MAGI2: variants seen among roughly 807,000 people sequenced by gnomAD.
MAGI2 encodes membrane-associated guanylate kinase, WW and PDZ domain-containing protein 2.
A neutral mutation model predicts 133.3 loss-of-function variants in MAGI2; 35 were observed. That is an observed-to-expected ratio of 0.26 (90% CI 0.20 to 0.35). The LOEUF (loss-of-function observed/expected upper bound fraction) is 0.35. Among genes scored for constraint, MAGI2 ranks in the 10% least tolerant of loss-of-function variants. MAGI2 has a pLI of 1.00. For missense variants in MAGI2, 1,636 were observed against 1,863.4 expected, an observed-to-expected ratio of 0.88 and a Z score of 2.25; for synonymous variants, 729 against 710.6, an observed-to-expected ratio of 1.03 and a Z score of -0.41.
At chr7:78,275,176 C>T (rs555264123) in intron 9 of MAGI2, among the ~76,000 whole-genome samples, 51 of 152,298 alleles carry the variant, frequency 3.3e-4, no homozygotes, top group African/African-American at 1.2e-3. Context: ...TACAGTCTCT[C>T]ATGGCTTCCC....
intron 1 of MAGI2, chr7:79,412,966 A>T (rs1158548340): frequency 6.6e-6 from 1 of 152,190 alleles, no homozygotes; most frequent in East Asian, 1.9e-4. Context: ...AAATCTTCTA[A>T]TGAATTAATG....
chr7:78,718,446 C>T (rs1168279617), intron 2 of MAGI2, among the ~76,000 whole-genome samples: 1 of 151,880 alleles, frequency 6.6e-6, no homozygotes, highest in Non-Finnish European at 1.5e-5. Context: ...TAGCTACTCC[C>T]CATTCCTTGG....
At chr7:78,096,860 A>G (rs1389948134) in intron 20 of MAGI2, among the ~76,000 whole-genome samples, 1 of 152,218 alleles carries the variant, frequency 6.6e-6, no homozygotes, top group African/African-American at 2.4e-5. Context: ...GCACAGAGAA[A>G]GAAACTATCA....
intron 2 of MAGI2, among the ~76,000 whole-genome samples, chr7:78,998,634 C>G (rs533498507): frequency 3.3e-5 from 5 of 152,268 alleles, no homozygotes; most frequent in African/African-American, 9.6e-5. Flanking sequence ...GTGATCTGGA[C>G]ATTAGAATAG....
chr7:78,451,483 G>C (rs746904154), intron 6 of MAGI2, among the ~76,000 whole-genome samples: 2 of 152,058 alleles, frequency 1.3e-5, no homozygotes, highest in South Asian at 2.1e-4. Flanking sequence ...AGAGCTTCCC[G>C]TGAGAATGAC....
At chr7:78,497,722 T>TTCTATCTATCTATCTATCTA (rs71517019) in intron 5 of MAGI2, among the ~76,000 whole-genome samples, 13 of 97,242 alleles carry the variant, frequency 1.3e-4, no homozygotes, top group East Asian at 1.1e-3. Flanking sequence ...GAAATAACTA[T>TTCTATCTATCTATCTATCTA]TCTATCTATC....
chr7:79,291,363 C>T (rs1263472987), intron 1 of MAGI2, among the ~76,000 whole-genome samples: 2 of 152,044 alleles, frequency 1.3e-5, no homozygotes, highest in South Asian at 2.1e-4. Flanking sequence ...ATGAATCATG[C>T]TTTCATAAAC....
intron 7 of MAGI2, chr7:78,359,386 T>C (rs1792530067): frequency 6.6e-6 from 1 of 152,174 alleles, no homozygotes; most frequent in African/African-American, 2.4e-5. Context: ...GACCAAGAGG[T>C]GGCAGGGGTC....
chr7:78,959,321 T>C (rs1802658293), intron 2 of MAGI2, among the ~76,000 whole-genome samples: 1 of 152,132 alleles, frequency 6.6e-6, no homozygotes, highest in Non-Finnish European at 1.5e-5. Context: ...CTTCAGGAGT[T>C]AAGCATTGTA....
At chr7:78,609,986 C>T (rs1806262722) in intron 3 of MAGI2, among the ~76,000 whole-genome samples, 1 of 152,006 alleles carries the variant, frequency 6.6e-6, no homozygotes, top group Non-Finnish European at 1.5e-5. Context: ...GGAACTAAGA[C>T]CTCTAGGTCA....
intron 2 of MAGI2, among the ~76,000 whole-genome samples, chr7:78,692,078 A>T (rs956352063): frequency 6.6e-6 from 1 of 152,166 alleles, no homozygotes; most frequent in Admixed American, 6.5e-5. Context: ...TAAGGTCTTT[A>T]AAAAAATCAG....
At chr7:79,423,560 G>C (rs931322156) in intron 1 of MAGI2, among the ~76,000 whole-genome samples, 1 of 151,936 alleles carries the variant, frequency 6.6e-6, no homozygotes, top group African/African-American at 2.4e-5. Context: ...GTGAGGAGAC[G>C]AGTCTTTCAA....
intron 6 of MAGI2, among the ~76,000 whole-genome samples, chr7:78,375,681 T>C (rs1794381183): frequency 6.6e-6 from 1 of 152,134 alleles, no homozygotes; most frequent in Non-Finnish European, 1.5e-5. Context: ...GGTTAAGTAA[T>C]GTAGTGTATA....
chr7:78,332,696 T>TA (rs1789349381), intron 9 of MAGI2, among the ~76,000 whole-genome samples: 1 of 35,122 alleles, frequency 2.8e-5, no homozygotes, highest in Non-Finnish European at 4.8e-5. Context: ...AGACTCCGTC[T>TA]CAAAAAAAAA....
chr7:78,697,456 C>T (rs953474984), intron 2 of MAGI2, among the ~76,000 whole-genome samples: 2 of 152,162 alleles, frequency 1.3e-5, no homozygotes, highest in African/African-American at 2.4e-5. Context: ...TATTTTTCCT[C>T]TTAACCAAAT....
At chr7:78,641,659 G>C (rs1273282707) in intron 2 of MAGI2, among the ~76,000 whole-genome samples, 2 of 139,556 alleles carry the variant, frequency 1.4e-5, no homozygotes, top group Middle Eastern at 3.8e-3. Context: ...TTCTGTTGGT[G>C]TGGCCAGCAT....
At chr7:79,201,029 G>A (rs751152798) in intron 1 of MAGI2, among the ~76,000 whole-genome samples, 4 of 151,852 alleles carry the variant, frequency 2.6e-5, no homozygotes, top group African/African-American at 9.7e-5. Flanking sequence ...CAGGGCTTTC[G>A]GTCTACAAGA....
At chr7:78,145,326 C>T (rs1189594986) in intron 16 of MAGI2, among the ~76,000 whole-genome samples, 8 of 151,824 alleles carry the variant, frequency 5.3e-5, no homozygotes, top group Admixed American at 1.3e-4. Flanking sequence ...AAGATTTTTC[C>T]CTGTACTTTT....
At chr7:78,882,353 C>G (rs990361302) in intron 2 of MAGI2, among the ~76,000 whole-genome samples, 1 of 151,884 alleles carries the variant, frequency 6.6e-6, no homozygotes, top group African/African-American at 2.4e-5. Context: ...ACATTGAATT[C>G]TGTTATTGAA....
Sources: gnomAD v4.1 joint callset for allele counts (sites outside exome capture counted in the v4.1 genomes callset) on GRCh38, gnomAD v4.1.1 for gene constraint, MANE v1.5 for transcripts, NCBI Gene and HGNC (gene_info 2026-07-23, HGNC 2026-07-21) for gene names.